The following CCDC178 variants were observed in gnomAD, a reference collection of about 807,000 sequenced individuals.
The protein encoded by CCDC178 is coiled-coil domain-containing protein 178.
CCDC178 carries 126 observed loss-of-function variants against 117.4 expected under a neutral mutation model. The ratio of observed to expected loss-of-function variants is 1.07; its 90% CI spans 0.93 to 1.24. The LOEUF is 1.24. Ranked by LOEUF, CCDC178 falls within the 50% of genes most tolerant of loss-of-function variation. The pLI is 0.00. For synonymous variants in CCDC178, 283 were observed against 313.4 expected, an observed-to-expected ratio of 0.90 and a Z score of 1.02; for missense variants, 1,030 against 986.9, an observed-to-expected ratio of 1.04 and a Z score of -0.59.
intron 5 of CCDC178, among the ~76,000 whole-genome samples, chr18:33,374,862 T>G (rs1292710642): frequency 1.3e-5 from 2 of 152,090 alleles, no homozygotes; most frequent in Non-Finnish European, 2.9e-5. Flanking sequence ...TCTGAAAAAG[T>G]TGGGCACAAA....
At chr18:33,314,200 CA>C (rs869127341) in intron 11 of CCDC178, among the ~76,000 whole-genome samples, 78 of 62,438 alleles carry the variant, frequency 1.2e-3, no homozygotes, top group African/African-American at 2.8e-3. Context: ...GACTCCGTCT[CA>C]AAAAAAAAAA....
chr18:33,313,794 G>A (rs978146944), intron 11 of CCDC178, among the ~76,000 whole-genome samples: 3 of 152,142 alleles, frequency 2.0e-5, no homozygotes, highest in Non-Finnish European at 4.4e-5. Context: ...ATGCCCAGGG[G>A]AAGATTGCCA....
rs766223838 is a variant in CCDC178 at position 32,937,997 on chromosome 18, C to T, written c.*14G>A. 50 of 1,586,970 alleles carry T rather than the reference C, an allele frequency of 3.2e-5. 1 individual carries two copies. The highest frequency in any genetic ancestry group is 7.7e-5 in the South Asian group (7 of 90,520). ...GTCTTTTATTTCAGCATCCAAGATA[C>T]ATTGGTTGTTTGCTTAACCATCGTT... On this transcript the variant is annotated 3_prime_UTR_variant, in exon 23 of 23. Transcript: ENST00000383096.
rs1245384491 is a variant in CCDC178 at position 33,204,767 on chromosome 18, T to A, written c.2238+7129A>T. ...TAGTTAAAAGAATTCTTAACAAATA[T>A]GAAAATCCATTTACTATGTAGAATA... On this transcript the variant is annotated intron_variant, in intron 20 of 22. Transcript: ENST00000383096. Among the ~76,000 whole-genome samples the A allele has an allele frequency of 2.6e-5, 4 of 152,208 alleles. No individual in the cohort carries two copies. The East Asian group carries it at 7.7e-4, about 29-fold the overall frequency.
chr18:33,111,518 A>G (rs1467635119), intron 20 of CCDC178, among the ~76,000 whole-genome samples: 1 of 151,674 alleles, frequency 6.6e-6, no homozygotes, highest in Non-Finnish European at 1.5e-5. Flanking sequence ...TGAAAATTTT[A>G]AAGGCTGGAA....
intron 12 of CCDC178, 40 bp downstream of exon 12, chr18:33,293,119 C>T (rs201399593): frequency 7.2e-7 from 1 of 1,397,258 alleles, no homozygotes; most frequent in Non-Finnish European, 9.7e-7. Flanking sequence ...TAACTCAAAA[C>T]AAAAATCAGT....
intron 21 of CCDC178, among the ~76,000 whole-genome samples, chr18:33,033,526 T>C (rs2056386650): frequency 6.6e-6 from 1 of 152,066 alleles, no homozygotes; most frequent in South Asian, 2.1e-4. Flanking sequence ...CATTAATTAT[T>C]CATTCTTTCT....
chr18:32,983,381 A>C, intron 21 of CCDC178: 1 of 1,354,114 alleles, frequency 7.4e-7, no homozygotes, highest in African/African-American at 1.5e-5. Context: ...CAAATATTAC[A>C]AATGAAGCCA....
At chr18:33,155,741 G>GAAAAGT (rs2058386317) in intron 20 of CCDC178, among the ~76,000 whole-genome samples, 1 of 152,104 alleles carries the variant, frequency 6.6e-6, no homozygotes, top group Non-Finnish European at 1.5e-5. Flanking sequence ...TATTGTGGAA[G>GAAAAGT]AAAAGTAGAG....
At chr18:33,003,314 A>G (rs1683460276) in intron 21 of CCDC178, among the ~76,000 whole-genome samples, 1 of 152,188 alleles carries the variant, frequency 6.6e-6, no homozygotes, top group South Asian at 2.1e-4. Flanking sequence ...GAGTTCAACA[A>G]TATATTAAAA....
intron 20 of CCDC178, among the ~76,000 whole-genome samples, chr18:33,144,760 A>G (rs2058249403): frequency 6.6e-6 from 1 of 152,338 alleles, no homozygotes; most frequent in Non-Finnish European, 1.5e-5. Flanking sequence ...ATAACAGAAA[A>G]GTCAGCAGAA....
chr18:33,438,862 C>A (rs979769738), intron 2 of CCDC178, among the ~76,000 whole-genome samples: 2 of 152,116 alleles, frequency 1.3e-5, no homozygotes, highest in Admixed American at 1.3e-4. Context: ...CCAATATTCT[C>A]ATTAACCTCA....
chr18:33,179,075 AAAAATAT>A (rs1259159715), intron 20 of CCDC178, among the ~76,000 whole-genome samples: 2 of 89,636 alleles, frequency 2.2e-5, no homozygotes, highest in African/African-American at 1.3e-4. Context: ...AAAAAAAAAA[AAAAATAT>A]ATATATATAT....
rs1257264433 is a variant in CCDC178, at chr18:33,215,554, A to G, written c.2074T>C (p.Leu692=). The G allele has an allele frequency of 1.5e-6, 2 of 1,376,774 alleles. No homozygotes were observed. Among genetic ancestry groups the G allele is most frequent in the Non-Finnish European group, 1.9e-6 (2 of 1,029,610 alleles). The allele number at this position is 1,376,774 out of a possible 1,614,324, so 85.3% of individuals were successfully genotyped here. A position where few individuals can be genotyped will look rare whatever the true frequency, so the allele number is the denominator to read the frequency against. The change falls in exon 19 of 23, where the codon TTA becomes CTA. Residue 692 remains leucine, a synonymous_variant. Coordinates refer to ENST00000383096, the MANE Select transcript of CCDC178 (RefSeq NM_001105528.4). ...TGATAAAGTTTAAGTACTTACTTTA[A>G]TATTTCAAGTGTCTGATCAAAACTT... is the stretch of plus-strand genomic sequence containing the variant. The part of the protein sequence containing the change: ...KKSFDQTLEI[L]KNKFITMRFK...
At chr18:32,956,130 A>T (rs1247994176) in intron 22 of CCDC178, among the ~76,000 whole-genome samples, 3 of 152,172 alleles carry the variant, frequency 2.0e-5, no homozygotes, top group Non-Finnish European at 4.4e-5. Context: ...AGTGAGAAAG[A>T]TAAAAACAAT....
At chr18:33,031,585 T>C (rs949021873) in intron 21 of CCDC178, among the ~76,000 whole-genome samples, 3 of 152,170 alleles carry the variant, frequency 2.0e-5, no homozygotes, top group Non-Finnish European at 2.9e-5. Flanking sequence ...GATGTTGTTA[T>C]GGTAACCTTC....
At chr18:33,169,131 G>A (rs1385932804) in intron 20 of CCDC178, among the ~76,000 whole-genome samples, 3 of 152,110 alleles carry the variant, frequency 2.0e-5, no homozygotes, top group Non-Finnish European at 4.4e-5. Context: ...GGTAAGTTAC[G>A]GAAATTTGCA....
chr18:33,414,583 A>AAACC (rs1280797519), intron 2 of CCDC178, among the ~76,000 whole-genome samples: 1 of 152,224 alleles, frequency 6.6e-6, no homozygotes, highest in Non-Finnish European at 1.5e-5. Context: ...GTTAGACCAA[A>AAACC]AACCATAAAA....
At chr18:33,360,555 A>G (rs1052866470) in intron 6 of CCDC178, among the ~76,000 whole-genome samples, 2 of 151,606 alleles carry the variant, frequency 1.3e-5, no homozygotes, top group African/African-American at 4.8e-5. Context: ...AAAATTGAAA[A>G]TGAAAAAAGG....
Sources: gnomAD v4.1 joint callset for allele counts (sites outside exome capture counted in the v4.1 genomes callset) on GRCh38, gnomAD v4.1.1 for gene constraint, MANE v1.5 for transcripts, NCBI Gene and HGNC (gene_info 2026-07-23, HGNC 2026-07-21) for gene names.